ECPAS: variants seen among roughly 807,000 people sequenced by gnomAD.
The protein encoded by ECPAS is Ecm29 proteasome adaptor and scaffold.
Under a neutral mutation model 255.1 loss-of-function variants are expected in ECPAS, and 70 were observed. That is an observed-to-expected ratio of 0.27 (90% confidence interval 0.23 to 0.33). The LOEUF (loss-of-function observed/expected upper bound fraction) is 0.33, where lower values mean the gene tolerates loss of function less well. Ranked by LOEUF, ECPAS falls within the 10% of genes least tolerant of loss-of-function variation. The pLI is 1.00. For missense variants in ECPAS, 1,817 were observed against 2,206.4 expected (o/e 0.82, Z 3.54); for synonymous variants, 784 against 775.0 (o/e 1.01, Z -0.19).
chr9:111,448,443 T>C (rs2098256085), intron 3 of ECPAS, among the ~76,000 whole-genome samples: 3 of 152,136 alleles, frequency 2.0e-5, no homozygotes, highest in Admixed American at 2.0e-4. Context: ...TAAAATACTA[T>C]AATTATTAAT....
At chr9:111,408,488 G>C (rs991790380) in intron 24 of ECPAS, 83 bp downstream of exon 24, 11 of 743,056 alleles carry the variant, frequency 1.5e-5, no homozygotes, top group Non-Finnish European at 2.3e-5. Context: ...AAATCTCACA[G>C]CATGCAAAAC....
Position 111,465,033 on chromosome 9 carries a change from G to A in ECPAS, c.22+7864C>T, listed in dbSNP as rs2098277753. 4.0e-5 allele frequency among the ~76,000 whole-genome samples: 6 copies of A among 150,946 alleles called. No homozygotes were observed. The South Asian group carries it at 1.3e-3, about 32-fold the overall frequency. ...ACCCCGTCTCTACTAAAAATACAAGGAGGCTGAGGCAGGAGAATAGCTTAA... is the reference window on the plus strand; with the variant it reads ...ACCCCGTCTCTACTAAAAATACAAGAAGGCTGAGGCAGGAGAATAGCTTAA... On this transcript the variant is annotated intron_variant, in intron 2 of 49. Coordinates refer to ENST00000684092, the MANE Select transcript of ECPAS (RefSeq NM_001364929.1).
rs200222714 is a variant in ECPAS, at chr9:111,369,186, A to G, written c.4975-13T>C. 2.9e-4 allele frequency: 430 copies of G among 1,490,524 alleles called. 1 individual carries two copies. The African/African-American group carries it at 5.9e-3, about 20-fold the overall frequency. 92.3% of individuals were successfully genotyped at this position (1,490,524 alleles called of 1,614,324 possible). A position where few individuals can be genotyped will look rare whatever the true frequency, so the allele number is the denominator to read the frequency against. On this transcript the variant is annotated splice_polypyrimidine_tract_variant and intron_variant, in intron 45 of 49. Coordinates refer to ENST00000684092, the MANE Select transcript of ECPAS (RefSeq NM_001364929.1). ...TTTCAAGTGAGTTCTAGGATATATC[A>G]AAGAAAAGAAAATGTAATATTTTCT...
chr9:111,474,137 C>T (rs1348138524), intron 1 of ECPAS, among the ~76,000 whole-genome samples: 1 of 152,196 alleles, frequency 6.6e-6, no homozygotes, highest in Non-Finnish European at 1.5e-5. Context: ...TTAGCCACTA[C>T]TCAAAGCAGT....
Position 111,451,495 on chromosome 9 carries a change from T to C in ECPAS, c.83A>G (p.Asn28Ser). The change falls in exon 3 of 50, where the codon AAT becomes AGT. Residue 28 changes from asparagine to serine, a missense_variant. Physicochemically the swap from Asn to Ser is conservative, Grantham distance 46. Transcript: ENST00000684092. ...GHAETDEQLQNIISKFLPPVL... is the reference protein window; with the variant it reads ...GHAETDEQLQSIISKFLPPVL... ...AGGAGGAAGGAATTTAGATATAATA[T>C]TCTGTAATTGTTCATCTGTTTCAGC... 6.3e-7 allele frequency: 1 copy of C among 1,575,404 alleles called. No homozygotes were observed. Among genetic ancestry groups the C allele is most frequent in the Middle Eastern group, 1.7e-4 (1 of 6,012 alleles).
intron 1 of ECPAS, among the ~76,000 whole-genome samples, chr9:111,478,889 A>G (rs2098299977): frequency 1.3e-5 from 2 of 152,176 alleles, no homozygotes; most frequent in African/African-American, 4.8e-5. Context: ...TCTCTTTTGT[A>G]CCCAACAGCA....
chr9:111,431,169 A>G lies in ECPAS; in HGVS notation c.849-541T>C, dbSNP rs148645841. Among the ~76,000 whole-genome samples, 22 of 152,332 alleles carry G rather than the reference A, an allele frequency of 1.4e-4. No individual in the cohort carries two copies. The East Asian group carries it at 2.5e-3, about 17-fold the overall frequency. On this transcript the variant is annotated intron_variant, in intron 8 of 49. Transcript: ENST00000684092. ...CCCCTCCTTCCTTATCTACCAGTAC[A>G]CACTTGCAGTTTTAATTCTGCAGAG... is the stretch of plus-strand genomic sequence containing the variant.
chr9:111,483,473 TCGCGGCCGCAGGTTCGGC>T (rs2132154416), intron 1 of ECPAS: 11 of 973,328 alleles, frequency 1.1e-5, no homozygotes, highest in Non-Finnish European at 1.2e-5. Flanking sequence ...CCGTTCCGGC[TCGCGGCCGCAGGTTCGGC>T]CGCGGCACTT....
At chr9:111,433,478 G>T (rs990804882) in intron 7 of ECPAS, 106 bp from the exon 8 acceptor site, 1 of 1,105,324 alleles carries the variant, frequency 9.0e-7, no homozygotes, top group African/African-American at 1.5e-5. Flanking sequence ...AAGATGAGCA[G>T]TAACAACAGT....
chr9:111,374,701 A>AG (rs1347287574), intron 38 of ECPAS, among the ~76,000 whole-genome samples: 3 of 152,168 alleles, frequency 2.0e-5, no homozygotes, highest in Admixed American at 6.5e-5. Flanking sequence ...AAAGGGTGGT[A>AG]GGGGGGTGTC....
intron 31 of ECPAS, among the ~76,000 whole-genome samples, chr9:111,388,761 A>C (rs1246370645): frequency 1.3e-5 from 2 of 152,198 alleles, no homozygotes. Flanking sequence ...GAATCAACAG[A>C]ATTTGCTACT....
intron 3 of ECPAS, among the ~76,000 whole-genome samples, chr9:111,449,352 A>C (rs1265647263): frequency 6.6e-6 from 1 of 152,158 alleles, no homozygotes; most frequent in Non-Finnish European, 1.5e-5. Context: ...CAAGAATAGA[A>C]TTTCCCATTT....
rs146736074 is a variant in ECPAS, at chr9:111,412,159, TA to T, written c.2080-12del. On this transcript the variant is annotated splice_polypyrimidine_tract_variant and intron_variant, in intron 20 of 49. Transcript: ENST00000684092. The stretch of plus-strand genomic sequence containing the variant: ...GTTATTCATCAGACTCTGAGCAGTA[TA>T]AAAAAAAAACAAATATATACATGAC... 1,130 of 1,296,494 alleles carry T rather than the reference TA, an allele frequency of 8.7e-4. No homozygotes were observed. Among genetic ancestry groups the T allele is most frequent in the Admixed American group, 2.5e-3 (90 of 36,464 alleles). The allele number at this position is 1,296,494 out of a possible 1,614,324, so 80.3% of individuals were successfully genotyped here.
chr9:111,428,244 T>C (rs537806280), intron 9 of ECPAS, 83 bp from the exon 10 acceptor site: 49 of 1,355,044 alleles, frequency 3.6e-5, no homozygotes, highest in Admixed American at 7.2e-5. Context: ...TCTTAATCAG[T>C]GGTCTCTCAA....
At chr9:111,378,473 G>T in intron 36 of ECPAS, 107 bp downstream of exon 36, 1 of 1,131,956 alleles carries the variant, frequency 8.8e-7, no homozygotes, top group Non-Finnish European at 1.2e-6. Flanking sequence ...GGTGACAGAG[G>T]GTGAGTTCTG....
At chr9:111,483,788 G>A (rs933166605) in intron 1 of ECPAS, 126 of 190,262 alleles carry the variant, frequency 6.6e-4, no homozygotes, top group African/African-American at 2.3e-3. Context: ...AGCCGCTGCC[G>A]CTGCCGCCGC....
chr9:111,376,564 ACCC>A lies in ECPAS; in HGVS notation c.3955-26_3955-24del. The stretch of plus-strand genomic sequence containing the variant: ...AGCCTAAAGAAGAGAAATTAAAGTC[ACCC>A]GGCACATTCAATTAATTAGGAATAA... On this transcript the variant is annotated intron_variant, in intron 36 of 49. Transcript: ENST00000684092. 2.6e-6 allele frequency: 4 copies of A among 1,565,580 alleles called. No individual in the cohort carries two copies. The South Asian group carries it at 4.7e-5, about 18-fold the overall frequency.
chr9:111,372,694 C>A, intron 41 of ECPAS, 74 bp from the exon 42 acceptor site: 1 of 1,146,544 alleles, frequency 8.7e-7, no homozygotes, highest in South Asian at 1.6e-5. Flanking sequence ...GGCTATTGTT[C>A]AACTCATATA....
At chr9:111,412,430 C>A (rs1015141105) in intron 20 of ECPAS, among the ~76,000 whole-genome samples, 1 of 152,166 alleles carries the variant, frequency 6.6e-6, no homozygotes, top group Non-Finnish European at 1.5e-5. Flanking sequence ...GCTTTATGGG[C>A]CATTTGGTCT....
Sources: gnomAD v4.1 joint callset for allele counts (sites outside exome capture counted in the v4.1 genomes callset) on GRCh38, gnomAD v4.1.1 for gene constraint, MANE v1.5 for transcripts, NCBI Gene and HGNC (gene_info 2026-07-23, HGNC 2026-07-21) for gene names.